The following RALGAPA2 variants were observed in gnomAD, a reference collection of about 807,000 sequenced individuals.
The protein encoded by RALGAPA2 is ral GTPase-activating protein subunit alpha-2.
In RALGAPA2, 139 loss-of-function variants were observed where a neutral mutation model predicts 230.4. The observed-to-expected ratio is 0.60, with a 90% CI of 0.53 to 0.69. The LOEUF (loss-of-function observed/expected upper bound fraction) is 0.69. RALGAPA2 is among the 30% of genes least tolerant of loss of function. The pLI, the probability that RALGAPA2 is intolerant of heterozygous loss-of-function variation, is 0.00. For missense variants in RALGAPA2, 2,163 were observed against 2,276.0 expected (o/e 0.95, Z 1.01); for synonymous variants, 847 against 837.8 (o/e 1.01, Z -0.19).
intron 23 of RALGAPA2, among the ~76,000 whole-genome samples, chr20:20,552,121 A>G (rs1388139289): frequency 6.6e-6 from 1 of 152,244 alleles, no homozygotes; most frequent in African/African-American, 2.4e-5. Context: ...TTCAAGAAGT[A>G]GCCATCCTCC....
At chr20:20,679,643 C>T (rs1568744337) in intron 2 of RALGAPA2, among the ~76,000 whole-genome samples, 2 of 152,138 alleles carry the variant, frequency 1.3e-5, no homozygotes, top group African/African-American at 4.8e-5. Context: ...CCATACATGT[C>T]GTAAGAACAG....
intron 36 of RALGAPA2, among the ~76,000 whole-genome samples, chr20:20,485,467 G>A (rs1361673874): frequency 6.6e-6 from 1 of 152,132 alleles, no homozygotes; most frequent in Non-Finnish European, 1.5e-5. Flanking sequence ...TATTTAAGAC[G>A]ACTGACATGT....
chr20:20,526,668 T>C (rs759056388), intron 27 of RALGAPA2, among the ~76,000 whole-genome samples: 1 of 152,224 alleles, frequency 6.6e-6, no homozygotes, highest in African/African-American at 2.4e-5. Context: ...ACATAAATCA[T>C]ATTTTTGACA....
intron 1 of RALGAPA2, among the ~76,000 whole-genome samples, chr20:20,707,414 A>AG (rs2147032637): frequency 6.6e-6 from 1 of 152,292 alleles, no homozygotes; most frequent in East Asian, 1.9e-4. Context: ...AAAAAAGGAA[A>AG]GAAGGAAGGA....
Position 20,583,206 on chromosome 20 carries a change from T to G in RALGAPA2, c.2551A>C (p.Thr851Pro). Residue 851 changes from threonine (T) to proline (P), a missense_variant, in exon 20 of 40, where the codon ACA (threonine) becomes CCA (proline). Transcript: ENST00000202677. Reference sequence around the variant, plus strand: ...GCCTCATTGGTACAGCCCAGAGTTGTGTCACTGTTGGTACTTTCACCTGGT... The same window carrying G: ...GCCTCATTGGTACAGCCCAGAGTTGGGTCACTGTTGGTACTTTCACCTGGT... ...RQKSESTNSD[T>P]TLGCTNEAEL... The G allele has an allele frequency of 6.2e-7, 1 of 1,608,240 alleles. No individual in the cohort carries two copies. The highest frequency in any genetic ancestry group is 8.5e-7 in the Non-Finnish European group (1 of 1,177,874).
chr20:20,591,136 G>A, intron 17 of RALGAPA2, 41 bp downstream of exon 17: 1 of 1,592,042 alleles, frequency 6.3e-7, no homozygotes, highest in Non-Finnish European at 8.6e-7. Flanking sequence ...TCCTCTGCCA[G>A]AATCTATAGT....
At chr20:20,485,242 A>G (rs1236587624) in intron 36 of RALGAPA2, among the ~76,000 whole-genome samples, 1 of 152,016 alleles carries the variant, frequency 6.6e-6, no homozygotes, top group Non-Finnish European at 1.5e-5. Flanking sequence ...TGTCCCCTGT[A>G]CCCCTGATAA....
chr20:20,710,873 A>G (rs527638870), intron 1 of RALGAPA2, among the ~76,000 whole-genome samples: 29 of 152,338 alleles, frequency 1.9e-4, no homozygotes, highest in African/African-American at 6.7e-4. Flanking sequence ...ACGCTTTAAA[A>G]CACAGCTCAA....
intron 3 of RALGAPA2, among the ~76,000 whole-genome samples, chr20:20,655,376 G>T (rs1341674495): frequency 2.0e-5 from 3 of 151,864 alleles, no homozygotes; most frequent in Admixed American, 2.0e-4. Flanking sequence ...AAATATTACA[G>T]ACGTAAGGGG....
intron 1 of RALGAPA2, among the ~76,000 whole-genome samples, chr20:20,685,211 A>G (rs1423201121): frequency 6.6e-6 from 1 of 152,144 alleles, no homozygotes; most frequent in Non-Finnish European, 1.5e-5. Context: ...ACTAGCCCCT[A>G]TCCATGTCAA....
At chr20:20,445,939 T>G (rs1214717028) in intron 37 of RALGAPA2, among the ~76,000 whole-genome samples, 1 of 152,226 alleles carries the variant, frequency 6.6e-6, no homozygotes, top group Non-Finnish European at 1.5e-5. Flanking sequence ...CAATGCACAT[T>G]TGCTTTGGAA....
intron 24 of RALGAPA2, among the ~76,000 whole-genome samples, chr20:20,540,862 T>C (rs1000247981): frequency 1.3e-5 from 2 of 152,086 alleles, no homozygotes; most frequent in African/African-American, 4.8e-5. Context: ...CTTATCAATA[T>C]GTTTTTAACC....
chr20:20,632,098 C>T (rs2066694465), intron 9 of RALGAPA2, among the ~76,000 whole-genome samples: 1 of 151,782 alleles, frequency 6.6e-6, no homozygotes, highest in Admixed American at 6.5e-5. Flanking sequence ...GATCTCCGCT[C>T]ACTGCAAGCT....
At chr20:20,415,021 T>C (rs1230460369) in intron 37 of RALGAPA2, among the ~76,000 whole-genome samples, 1 of 152,248 alleles carries the variant, frequency 6.6e-6, no homozygotes, top group Non-Finnish European at 1.5e-5. Context: ...CTGGCAGCGT[T>C]TAGAAACAGC....
At chr20:20,593,006 C>T (rs868827132) in intron 16 of RALGAPA2, among the ~76,000 whole-genome samples, 2 of 152,086 alleles carry the variant, frequency 1.3e-5, no homozygotes, top group Admixed American at 6.5e-5. Context: ...CACACTCGAC[C>T]CCCCTGGCTC....
chr20:20,629,968 C>CA (rs2066616800), intron 9 of RALGAPA2, among the ~76,000 whole-genome samples: 1 of 152,164 alleles, frequency 6.6e-6, no homozygotes, highest in African/African-American at 2.4e-5. Flanking sequence ...CCTATGGTCA[C>CA]AGAGATTGGA....
intron 36 of RALGAPA2, among the ~76,000 whole-genome samples, chr20:20,492,009 T>C (rs527298805): frequency 6.6e-6 from 1 of 152,224 alleles, no homozygotes; most frequent in Admixed American, 6.5e-5. Flanking sequence ...ATAATTTGTA[T>C]ATTTAAGGGA....
At position 20,598,580 on chromosome 20, in the gene RALGAPA2, C is replaced by T. The variant is rs1321941552; in HGVS notation, c.2203+3102G>A. 36 of 330,970 alleles carry T rather than the reference C, an allele frequency of 1.1e-4. No individual in the cohort carries two copies. The East Asian group carries it at 2.9e-3, about 27-fold the overall frequency. 20.5% of individuals were successfully genotyped at this position (330,970 alleles called of 1,614,324 possible). A position where few individuals can be genotyped will look rare whatever the true frequency, so the allele number is the denominator to read the frequency against. On this transcript the variant is annotated intron_variant, in intron 16 of 39. Coordinates refer to ENST00000202677, the MANE Select transcript of RALGAPA2 (RefSeq NM_020343.4). ...TTAACACTAGTGTAATGGTCAGGCA[C>T]GTGTGTGATGTGGGGATATTAACAA...
At chr20:20,501,141 C>A (rs2062363608) in intron 35 of RALGAPA2, among the ~76,000 whole-genome samples, 1 of 152,200 alleles carries the variant, frequency 6.6e-6, no homozygotes, top group Non-Finnish European at 1.5e-5. Flanking sequence ...GCACTGGCTT[C>A]AACTTAAAGT....
Sources: gnomAD v4.1 joint callset for allele counts (sites outside exome capture counted in the v4.1 genomes callset) on GRCh38, gnomAD v4.1.1 for gene constraint, MANE v1.5 for transcripts, NCBI Gene and HGNC (gene_info 2026-07-23, HGNC 2026-07-21) for gene names.